Variants in NFATC3 observed in about 807,000 individuals in gnomAD.
NFATC3 encodes the protein nuclear factor of activated T cells 3, also known as nuclear factor of activated T-cells, cytoplasmic 3.
Under a neutral mutation model 98.6 loss-of-function variants are expected in NFATC3, and 46 were observed. The observed-to-expected ratio is 0.47, with a 90% CI of 0.37 to 0.60. The LOEUF is 0.60. Among genes scored for constraint, NFATC3 ranks in the 20% least tolerant of loss-of-function variants. NFATC3 has a pLI of 0.00. For synonymous variants in NFATC3, 512 were observed against 472.2 expected, an observed-to-expected ratio of 1.08 and a Z score of -1.09; for missense variants, 1,256 against 1,295.5, an observed-to-expected ratio of 0.97 and a Z score of 0.47.
rs1598643593 is a variant in NFATC3, at chr16:68,226,506, T to G, written c.*35T>G. 2.7e-6 allele frequency: 4 copies of G among 1,457,502 alleles called. No individual in the cohort carries two copies. The East Asian group carries it at 1.1e-4, about 40-fold the overall frequency. The allele number at this position is 1,457,502 out of a possible 1,614,324, so 90.3% of individuals were successfully genotyped here. On this transcript the variant is annotated 3_prime_UTR_variant, in exon 10 of 10. Transcript: ENST00000346183. ...CTGCAGCCTTGTGTCCACCACCAAC[T>G]TCTCAGCATGTTTCTCTCCTTGGAC...
At chr16:68,163,301 C>T (rs1269166769) in intron 4 of NFATC3, among the ~76,000 whole-genome samples, 6 of 151,722 alleles carry the variant, frequency 4.0e-5, no homozygotes, top group Admixed American at 6.6e-5. Flanking sequence ...TCCTCACTTC[C>T]CAGTAGGGGC....
intron 9 of NFATC3, 140 bp from the exon 10 acceptor site, chr16:68,226,210 C>T (rs1250005063): frequency 1.0e-5 from 10 of 959,248 alleles, no homozygotes; most frequent in Non-Finnish European, 1.5e-5. Flanking sequence ...CCACTCAGCT[C>T]AGGAGCAGGC....
rs139266024 is a variant in NFATC3, at chr16:68,099,876, A to G, written c.103+14092A>G. Among the ~76,000 whole-genome samples, 139 of 152,154 alleles carry G rather than the reference A, an allele frequency of 9.1e-4. 1 individual carries two copies. The East Asian group carries it at 0.016, about 17-fold the overall frequency. Reference sequence around the variant, plus strand: ...AAGGCTGGAGTACAGTGGCATGATTATGCCTCACTGCAGCCTTGAACTCTT... The same window carrying G: ...AAGGCTGGAGTACAGTGGCATGATTGTGCCTCACTGCAGCCTTGAACTCTT... On this transcript the variant is annotated intron_variant, in intron 1 of 9. Transcript: ENST00000346183.
chr16:68,226,188 C>G (rs2042032241), intron 9 of NFATC3, 162 bp from the exon 10 acceptor site: 3 of 731,058 alleles, frequency 4.1e-6, no homozygotes, highest in Non-Finnish European at 6.2e-6. Context: ...AGCGATGTTT[C>G]CATCTCTAAT....
At chr16:68,100,330 T>G (rs1366640242) in intron 1 of NFATC3, among the ~76,000 whole-genome samples, 1 of 152,054 alleles carries the variant, frequency 6.6e-6, no homozygotes, top group East Asian at 1.9e-4. Flanking sequence ...CCCAGCACTT[T>G]GGGAGGCCGA....
chr16:68,213,726 G>T (rs983757358), intron 9 of NFATC3, among the ~76,000 whole-genome samples: 5 of 152,100 alleles, frequency 3.3e-5, no homozygotes, highest in Non-Finnish European at 5.9e-5. Context: ...CTACTAGGGA[G>T]GCTGAGGCAG....
At chr16:68,120,961 A>G (rs2036541574) in intron 1 of NFATC3, among the ~76,000 whole-genome samples, 1 of 152,142 alleles carries the variant, frequency 6.6e-6, no homozygotes, top group Non-Finnish European at 1.5e-5. Flanking sequence ...CATTCACCGA[A>G]TTATTAAAAA....
chr16:68,149,636 GAAGT>G (rs1170714238), intron 3 of NFATC3, among the ~76,000 whole-genome samples: 1 of 152,170 alleles, frequency 6.6e-6, no homozygotes, highest in African/African-American at 2.4e-5. Flanking sequence ...TAGAAATATG[GAAGT>G]AAGTTCCAAA....
At chr16:68,202,460 T>A (rs2040965163) in intron 9 of NFATC3, among the ~76,000 whole-genome samples, 1 of 152,144 alleles carries the variant, frequency 6.6e-6, no homozygotes, top group South Asian at 2.1e-4. Flanking sequence ...GAGAGGTTAG[T>A]ATTGTCAGTG....
At chr16:68,089,549 T>C (rs2151437943) in intron 1 of NFATC3, 1 of 152,602 alleles carries the variant, frequency 6.6e-6, no homozygotes. Context: ...CAGCCTACCT[T>C]GTTTTTTTAA....
At chr16:68,094,505 C>T (rs2034902207) in intron 1 of NFATC3, among the ~76,000 whole-genome samples, 1 of 151,944 alleles carries the variant, frequency 6.6e-6, no homozygotes, top group Non-Finnish European at 1.5e-5. Flanking sequence ...AGGACTGATA[C>T]ACATTTTTTT....
chr16:68,152,372 C>CT (rs1360633137), intron 3 of NFATC3, among the ~76,000 whole-genome samples: 1 of 93,556 alleles, frequency 1.1e-5, no homozygotes, highest in East Asian at 3.2e-4. Context: ...GAGCGAGACT[C>CT]TGTCTCAAAA....
intron 3 of NFATC3, among the ~76,000 whole-genome samples, chr16:68,132,626 C>G (rs2037174981): frequency 1.3e-5 from 2 of 152,184 alleles, no homozygotes; most frequent in Admixed American, 6.5e-5. Flanking sequence ...AAATGTCCAT[C>G]AGCTGATGAA....
chr16:68,121,674 A>G (rs1033762224), intron 1 of NFATC3, among the ~76,000 whole-genome samples: 1 of 131,582 alleles, frequency 7.6e-6, no homozygotes, highest in African/African-American at 3.0e-5. Context: ...CCCTGTCTCA[A>G]AAAAAAAAAA....
intron 3 of NFATC3, among the ~76,000 whole-genome samples, chr16:68,147,828 C>T (rs2038113853): frequency 6.6e-6 from 1 of 150,800 alleles, no homozygotes; most frequent in Admixed American, 6.6e-5. Flanking sequence ...CACTCTCTAC[C>T]TTCATTTTTT....
chr16:68,193,974 C>T (rs539690130), intron 9 of NFATC3, among the ~76,000 whole-genome samples: 1 of 152,198 alleles, frequency 6.6e-6, no homozygotes, highest in Admixed American at 6.5e-5. Flanking sequence ...GTTTTAAAGC[C>T]ATGAGGGGAC....
intron 1 of NFATC3, among the ~76,000 whole-genome samples, chr16:68,088,538 A>T (rs952096880): frequency 1.2e-4 from 17 of 147,778 alleles, no homozygotes; most frequent in Middle Eastern, 3.5e-3. Context: ...TTTTATATAT[A>T]TTTTTTCTTT....
intron 3 of NFATC3, among the ~76,000 whole-genome samples, chr16:68,149,661 A>T (rs1252854473): frequency 6.6e-6 from 1 of 152,242 alleles, no homozygotes; most frequent in Non-Finnish European, 1.5e-5. Context: ...AGAAACAGTG[A>T]AAAGGGTTAC....
chr16:68,134,916 G>A lies in NFATC3; in HGVS notation c.1401+8306G>A, dbSNP rs572768054. On this transcript the variant is annotated intron_variant, in intron 3 of 9. Coordinates refer to ENST00000346183, the MANE Select transcript of NFATC3 (RefSeq NM_173165.3). ...GCCACTTGCATGTTTTCTGTAATGTGGTAACTTAATATTAAAGTAAAATAG... is the reference window on the plus strand; with the variant it reads ...GCCACTTGCATGTTTTCTGTAATGTAGTAACTTAATATTAAAGTAAAATAG... 2.0e-5 allele frequency among the ~76,000 whole-genome samples: 3 copies of A among 152,014 alleles called. No individual in the cohort carries two copies. The East Asian group carries it at 5.8e-4, about 29-fold the overall frequency.
Sources: allele counts gnomAD v4.1 joint callset (sites outside exome capture counted in the v4.1 genomes callset), GRCh38; gene constraint gnomAD v4.1.1; transcripts MANE v1.5; gene names NCBI Gene and HGNC (gene_info 2026-07-23, HGNC 2026-07-21).